Variants in FAAH2 observed in about 807,000 individuals in gnomAD.
FAAH2 encodes the protein fatty acid amide hydrolase 2.
In FAAH2, 60 loss-of-function variants were observed where a neutral mutation model predicts 36.9. The observed-to-expected ratio is 1.63, with a 90% CI of 1.32 to 2.02. The LOEUF (loss-of-function observed/expected upper bound fraction) is 2.02. FAAH2 is among the 30% of genes most tolerant of loss of function. The pLI is 0.00. For synonymous variants in FAAH2, 214 were observed against 143.8 expected (o/e 1.49, Z -3.49); for missense variants, 689 against 397.5 (o/e 1.73, Z -6.23).
intron 10 of FAAH2, among the ~76,000 whole-genome samples, chrX:57,482,023 C>G (rs1383596374): frequency 1.8e-5 from 2 of 111,717 alleles, no homozygotes; most frequent in East Asian, 5.7e-4. Context: ...GACCTCCCAG[C>G]CTCCTCAGTG....
At chrX:57,174,322 G>A in the FAAH2 span, among the ~76,000 whole-genome samples, 1 of 110,028 alleles carries the variant, frequency 9.1e-6, no homozygotes, top group Non-Finnish European at 1.9e-5. Flanking sequence ...CTGTGTGTGT[G>A]CATATGTTAC....
chrX:57,131,695 G>C, the FAAH2 span, among the ~76,000 whole-genome samples: 1 of 112,126 alleles, frequency 8.9e-6, no homozygotes, highest in African/African-American at 3.2e-5. Flanking sequence ...TAACTGTAAA[G>C]TTATCTTGAG....
intron 7 of FAAH2, among the ~76,000 whole-genome samples, chrX:57,425,951 C>G (rs1221577338): frequency 8.9e-6 from 1 of 111,973 alleles, no homozygotes. Flanking sequence ...TTGAAAAAGA[C>G]TCACCTTACT....
intron 8 of FAAH2, among the ~76,000 whole-genome samples, chrX:57,441,450 C>A (rs1382691980): frequency 1.8e-5 from 2 of 110,736 alleles, no homozygotes; most frequent in African/African-American, 6.6e-5. Flanking sequence ...TGGTGCTATA[C>A]CCTTTATCAT....
intron 7 of FAAH2, among the ~76,000 whole-genome samples, chrX:57,425,470 G>A (rs1207765477): frequency 1.8e-5 from 2 of 111,389 alleles, no homozygotes; most frequent in Middle Eastern, 4.8e-3. Context: ...CAACAGAAAC[G>A]TTTTGAGTCA....
chrX:57,394,987 G>T, intron 7 of FAAH2: 1 of 571,753 alleles, frequency 1.7e-6, no homozygotes, highest in South Asian at 2.2e-5. Context: ...TACAAGGAAT[G>T]AAACAGTCAT....
the FAAH2 span, among the ~76,000 whole-genome samples, chrX:57,148,689 A>G: frequency 8.9e-6 from 1 of 111,898 alleles, no homozygotes; most frequent in Non-Finnish European, 1.9e-5. Context: ...CTAGATATAC[A>G]GTGATGTGAT....
chrX:57,205,933 C>G, the FAAH2 span, among the ~76,000 whole-genome samples: 3 of 111,435 alleles, frequency 2.7e-5, no homozygotes, highest in Non-Finnish European at 3.8e-5. Flanking sequence ...CTCCCATTTC[C>G]TATCGTAGTA....
chrX:57,264,533 C>T, the FAAH2 span, among the ~76,000 whole-genome samples: 1 of 112,379 alleles, frequency 8.9e-6, no homozygotes, highest in Non-Finnish European at 1.9e-5. Flanking sequence ...CAAAAAATAA[C>T]AGATGATGGT....
At chrX:57,288,152 T>C (rs1163075821) in intron 1 of FAAH2, among the ~76,000 whole-genome samples, 1 of 110,117 alleles carries the variant, frequency 9.1e-6, no homozygotes, top group Non-Finnish European at 1.9e-5. Flanking sequence ...TATTTCAAAT[T>C]TTGGACTGTC....
the FAAH2 span, among the ~76,000 whole-genome samples, chrX:57,266,933 C>A: frequency 2.6e-4 from 29 of 112,612 alleles, no homozygotes; most frequent in African/African-American, 9.3e-4. Flanking sequence ...AACCATTGGA[C>A]CTGATCTCTG....
At chrX:57,287,109 A>G (rs1662296162) in intron 1 of FAAH2, 92 bp downstream of exon 1, 2 of 949,871 alleles carry the variant, frequency 2.1e-6, no homozygotes, top group Non-Finnish European at 2.8e-6. Context: ...TTTCCTTTCC[A>G]TTCTCTACTA....
At chrX:57,444,701 T>A (rs1312409326) in intron 8 of FAAH2, among the ~76,000 whole-genome samples, 1 of 111,666 alleles carries the variant, frequency 9.0e-6, no homozygotes, top group Non-Finnish European at 1.9e-5. Flanking sequence ...CTGGAGCTGT[T>A]CCTATTCAGC....
chrX:57,156,013 C>T, the FAAH2 span, among the ~76,000 whole-genome samples: 1 of 112,154 alleles, frequency 8.9e-6, no homozygotes, highest in African/African-American at 3.2e-5. Context: ...AGTTTGGGCA[C>T]TCACAGTATT....
chrX:57,223,495 G>T, the FAAH2 span, among the ~76,000 whole-genome samples: 1 of 111,048 alleles, frequency 9.0e-6, no homozygotes, highest in Non-Finnish European at 1.9e-5. Context: ...CAACTTCTCT[G>T]CCCTATTCTC....
At chrX:57,382,599 A>C (rs2147231917) in intron 7 of FAAH2, among the ~76,000 whole-genome samples, 1 of 111,914 alleles carries the variant, frequency 8.9e-6, no homozygotes, top group Admixed American at 9.5e-5. Context: ...ATTCCTGGAC[A>C]CATACACCCT....
intron 10 of FAAH2, among the ~76,000 whole-genome samples, chrX:57,469,762 A>G (rs2057124590): frequency 8.9e-6 from 1 of 111,864 alleles, no homozygotes; most frequent in Non-Finnish European, 1.9e-5. Context: ...ATAGACATCC[A>G]CAGAAGTCTT....
the FAAH2 span, among the ~76,000 whole-genome samples, chrX:57,165,375 T>A: frequency 3.6e-5 from 4 of 112,237 alleles, no homozygotes; most frequent in African/African-American, 1.3e-4. Context: ...AAAGGATGAG[T>A]TCATGTCCTT....
intron 3 of FAAH2, among the ~76,000 whole-genome samples, chrX:57,314,121 C>A (rs1199485541): frequency 1.8e-5 from 2 of 111,353 alleles, no homozygotes; most frequent in East Asian, 2.8e-4. Flanking sequence ...CTTAAACCAA[C>A]AACAATCAGG....
Sources: gnomAD v4.1 joint callset for allele counts (sites outside exome capture counted in the v4.1 genomes callset) on GRCh38, gnomAD v4.1.1 for gene constraint, MANE v1.5 for transcripts, NCBI Gene and HGNC (gene_info 2026-07-23, HGNC 2026-07-21) for gene names.